The following AFF2 variants were observed in gnomAD, a reference collection of about 807,000 sequenced individuals.
The protein encoded by AFF2 is ALF transcription elongation factor 2.
A neutral mutation model predicts 76.9 loss-of-function variants in AFF2; 14 were observed. That is an observed-to-expected ratio of 0.18 (90% CI 0.12 to 0.28). The LOEUF (loss-of-function observed/expected upper bound fraction) is 0.28. Ranked by LOEUF, AFF2 falls within the 10% of genes least tolerant of loss-of-function variation. The probability of loss-of-function intolerance (pLI) is 1.00; values close to 1 mark genes in which losing one functional copy is unlikely to be tolerated. For missense variants in AFF2, 868 were observed against 1,001.1 expected, an observed-to-expected ratio of 0.87 and a Z score of 1.79; for synonymous variants, 398 against 366.7, an observed-to-expected ratio of 1.09 and a Z score of -0.98.
intron 3 of AFF2, among the ~76,000 whole-genome samples, chrX:148,700,062 G>A (rs1015365895): frequency 1.2e-4 from 13 of 111,483 alleles, no homozygotes; most frequent in Admixed American, 1.1e-3. Flanking sequence ...GGTATGTGAT[G>A]TGATTCTCAA....
chrX:148,578,979 G>A (rs1221238648), intron 1 of AFF2, among the ~76,000 whole-genome samples: 1 of 111,173 alleles, frequency 9.0e-6, no homozygotes, highest in African/African-American at 3.3e-5. Context: ...CACTAGAAAG[G>A]ATGCCTTTTC....
chrX:148,935,530 C>T (rs1033830732), intron 9 of AFF2, among the ~76,000 whole-genome samples: 1 of 111,194 alleles, frequency 9.0e-6, no homozygotes, highest in Non-Finnish European at 1.9e-5. Flanking sequence ...TAGTGCTCTT[C>T]ACTCTCATGG....
At chrX:148,520,271 T>C (rs1358637796) in intron 1 of AFF2, among the ~76,000 whole-genome samples, 2 of 112,573 alleles carry the variant, frequency 1.8e-5, no homozygotes, top group African/African-American at 3.2e-5. Context: ...TCAAAATGTT[T>C]TGTAAGAGCA....
intron 1 of AFF2, among the ~76,000 whole-genome samples, chrX:148,637,733 G>C (rs1320253386): frequency 1.8e-5 from 2 of 112,263 alleles, no homozygotes; most frequent in Admixed American, 1.9e-4. Flanking sequence ...TTTGAAATCT[G>C]TTATATATTT....
At chrX:148,603,093 T>G (rs782128276) in intron 1 of AFF2, among the ~76,000 whole-genome samples, 1 of 111,914 alleles carries the variant, frequency 8.9e-6, no homozygotes, top group East Asian at 2.8e-4. Flanking sequence ...CTGGCTGTCT[T>G]GAAAGATTTA....
intron 3 of AFF2, among the ~76,000 whole-genome samples, chrX:148,747,262 G>A (rs964081741): frequency 1.3e-4 from 14 of 111,208 alleles, no homozygotes; most frequent in Admixed American, 2.9e-4. Flanking sequence ...CATCTTTTGC[G>A]CTAGGCTGAC....
intron 1 of AFF2, among the ~76,000 whole-genome samples, chrX:148,521,373 T>TACACACACACACACAC (rs1569550690): frequency 3.6e-5 from 2 of 56,078 alleles, no homozygotes; most frequent in African/African-American, 1.7e-4. Context: ...AGCACGTGCA[T>TACACACACACACACAC]GCACACACAC....
intron 9 of AFF2, among the ~76,000 whole-genome samples, chrX:148,952,670 C>T (rs782144842): frequency 1.3e-4 from 15 of 111,977 alleles, no homozygotes; most frequent in Admixed American, 3.8e-4. Flanking sequence ...AGAGAGCAAA[C>T]GATCGGTATG....
chrX:148,757,839 A>G (rs900905715), intron 3 of AFF2, among the ~76,000 whole-genome samples: 72 of 112,332 alleles, frequency 6.4e-4, no homozygotes, highest in African/African-American at 2.3e-3. Context: ...TTAAACTCTC[A>G]TGCATCTCTC....
chrX:148,691,483 A>C (rs2054650696), intron 3 of AFF2, among the ~76,000 whole-genome samples: 2 of 112,036 alleles, frequency 1.8e-5, no homozygotes, highest in African/African-American at 6.5e-5. Context: ...AGTGCAATGA[A>C]ATACGAGCAG....
chrX:148,547,444 A>G (rs1309653079), intron 1 of AFF2: 1 of 112,118 alleles, frequency 8.9e-6, no homozygotes, highest in Non-Finnish European at 1.9e-5. Context: ...GTTGCATGAC[A>G]CAGAATGTAG....
At chrX:148,582,538 G>A (rs782211052) in intron 1 of AFF2, among the ~76,000 whole-genome samples, 1 of 111,610 alleles carries the variant, frequency 9.0e-6, no homozygotes, top group Admixed American at 9.6e-5. Context: ...CAAAACCACA[G>A]TGAGATACCA....
intron 9 of AFF2, among the ~76,000 whole-genome samples, chrX:148,921,404 T>G (rs998681407): frequency 5.3e-5 from 6 of 112,456 alleles, no homozygotes; most frequent in Non-Finnish European, 9.4e-5. Flanking sequence ...CGTTAAGCAG[T>G]CACTCCTCAT....
At chrX:148,946,215 G>T (rs2071899075) in intron 9 of AFF2, among the ~76,000 whole-genome samples, 1 of 112,372 alleles carries the variant, frequency 8.9e-6, no homozygotes, top group African/African-American at 3.2e-5. Context: ...CTCTCTGGAA[G>T]ATGTAACCTC....
chrX:148,805,626 C>G (rs1435050417), intron 3 of AFF2, among the ~76,000 whole-genome samples: 1 of 112,534 alleles, frequency 8.9e-6, no homozygotes, highest in Non-Finnish European at 1.9e-5. Context: ...CTATGCAATT[C>G]ATTTATTGTT....
At chrX:148,537,266 C>T (rs2052796106) in intron 1 of AFF2, among the ~76,000 whole-genome samples, 1 of 112,392 alleles carries the variant, frequency 8.9e-6, no homozygotes, top group South Asian at 3.6e-4. Flanking sequence ...ATGTTTTAGA[C>T]AGACAGAGAT....
At chrX:148,541,139 A>G (rs2052849584) in intron 1 of AFF2, among the ~76,000 whole-genome samples, 1 of 112,095 alleles carries the variant, frequency 8.9e-6, no homozygotes. Flanking sequence ...TCAAACTAGA[A>G]TGAAGGAAAT....
chrX:148,579,204 T>C (rs889112140), intron 1 of AFF2, among the ~76,000 whole-genome samples: 2 of 112,314 alleles, frequency 1.8e-5, no homozygotes, highest in East Asian at 5.6e-4. Flanking sequence ...TTTGTTGTGA[T>C]AATTAAGCAC....
chrX:148,868,218 A>G (rs1332499769), intron 7 of AFF2, among the ~76,000 whole-genome samples: 3 of 111,423 alleles, frequency 2.7e-5, no homozygotes, highest in Non-Finnish European at 3.8e-5. Flanking sequence ...GTACATCACA[A>G]TGCCAACCAC....
Sources: allele counts gnomAD v4.1 joint callset (sites outside exome capture counted in the v4.1 genomes callset), GRCh38; gene constraint gnomAD v4.1.1; transcripts MANE v1.5; gene names NCBI Gene and HGNC (gene_info 2026-07-23, HGNC 2026-07-21).